SBK1: variants seen among roughly 807,000 people sequenced by gnomAD.
The protein encoded by SBK1 is serine/threonine-protein kinase SBK1.
In SBK1, 11 loss-of-function variants were observed where a neutral mutation model predicts 24.4. The observed-to-expected ratio is 0.45, with a 90% CI of 0.28 to 0.75. The LOEUF is 0.75. SBK1 is among the 30% of genes least tolerant of loss of function. The probability of loss-of-function intolerance (pLI) is 0.12; values close to 1 mark genes in which losing one functional copy is unlikely to be tolerated. For synonymous variants in SBK1, 308 were observed against 284.4 expected, an observed-to-expected ratio of 1.08 and a Z score of -0.83; for missense variants, 467 against 620.5, an observed-to-expected ratio of 0.75 and a Z score of 2.63.
rs1184425008 is a variant in SBK1 at position 28,322,931 on chromosome 16, C to CTCTCTCTCTCTCTCTCTCTCT, written c.*2010_*2011insTCTCTCTCTCTCTCTCTCTCT. On this transcript the variant is annotated 3_prime_UTR_variant, in exon 4 of 4. Transcript: ENST00000341901. Reference sequence around the variant, plus strand: ...CTCTCTCGCGCGCGCTCTCTCTCTCCCTCTCTCTCTCTCTCTCTCTCTCTC... The same window carrying CTCTCTCTCTCTCTCTCTCTCT: ...CTCTCTCGCGCGCGCTCTCTCTCTCCTCTCTCTCTCTCTCTCTCTCTCTCTCTCTCTCTCTCTCTCTCTCTC... 1 of 55,352 alleles carries CTCTCTCTCTCTCTCTCTCTCT rather than the reference C, an allele frequency of 1.8e-5. No individual in the cohort carries two copies. Among genetic ancestry groups the CTCTCTCTCTCTCTCTCTCTCT allele is most frequent in the Non-Finnish European group, 3.6e-5 (1 of 28,018 alleles). The allele number at this position is 55,352 out of a possible 1,614,324, so 3.4% of individuals were successfully genotyped here.
At chr16:28,294,297 A>G (rs1176868943) in intron 1 of SBK1, among the ~76,000 whole-genome samples, 1 of 152,150 alleles carries the variant, frequency 6.6e-6, no homozygotes, top group Non-Finnish European at 1.5e-5. Context: ...GACTGCATGG[A>G]AAGAACACAC....
At chr16:28,304,630 C>T (rs1398491059) in intron 1 of SBK1, among the ~76,000 whole-genome samples, 3 of 151,726 alleles carry the variant, frequency 2.0e-5, no homozygotes, top group East Asian at 1.9e-4. Flanking sequence ...TTTTTTGAGA[C>T]GGAGTCTTGC....
chr16:28,307,763 A>G (rs998371634), intron 1 of SBK1, among the ~76,000 whole-genome samples: 2 of 151,708 alleles, frequency 1.3e-5, no homozygotes, highest in Admixed American at 1.3e-4. Context: ...AAAAGAAGAA[A>G]GAAAGAAAAG....
At chr16:28,290,101 A>G (rs2044589433), upstream of SBK1, among the ~76,000 whole-genome samples, 7 of 150,964 alleles carry the variant, frequency 4.6e-5, no homozygotes, top group South Asian at 1.5e-3. Flanking sequence ...AAAAAAAAAA[A>G]GACAGAGGCA....
At position 28,319,342 on chromosome 16, in the gene SBK1, G is replaced by A; in HGVS notation, c.429+145G>A. 6 of 672,544 alleles carry A rather than the reference G, an allele frequency of 8.9e-6. No individual in the cohort carries two copies. In the South Asian group the frequency reaches 1.1e-4, roughly 12 times the overall value. The allele number at this position is 672,544 out of a possible 1,614,324, so 41.7% of individuals were successfully genotyped here. A position where few individuals can be genotyped will look rare whatever the true frequency, so the allele number is the denominator to read the frequency against. ...TTACCATTTGGGGAGGTGGGGATGT[G>A]CAGTAAGGAAGACAAAAGTCCCTGT... On this transcript the variant is annotated intron_variant, in intron 3 of 3. Transcript: ENST00000341901. This position sits in a 1 kb window ranked among gnomAD's most constrained non-coding sequence, Gnocchi z 4.0.
upstream of SBK1, chr16:28,291,860 T>G (rs1334399432): frequency 6.6e-6 from 1 of 152,198 alleles, no homozygotes; most frequent in African/African-American, 2.4e-5. Context: ...GCAGCAGGGA[T>G]CGCAAAGGCG....
intron 1 of SBK1, among the ~76,000 whole-genome samples, chr16:28,276,964 G>T (rs1342228561): frequency 1.3e-5 from 2 of 152,064 alleles, no homozygotes; most frequent in African/African-American, 4.8e-5. Flanking sequence ...GCTCCCGGGC[G>T]GTGGATTGAA....
intron 1 of SBK1, among the ~76,000 whole-genome samples, chr16:28,312,865 G>T (rs923950862): frequency 6.6e-5 from 10 of 152,118 alleles, no homozygotes; most frequent in Admixed American, 6.5e-5. Flanking sequence ...CGGATGCGGT[G>T]GCTCACGCCT....
Position 28,292,882 on chromosome 16 carries a change from C to T in SBK1, c.-426C>T. ...TATTTAGAAGACAGCAAGCCCCCTA[C>T]GGCACCGCAAGGACTCCCCCTCCTC... On this transcript the variant is annotated 5_prime_UTR_variant, in exon 1 of 4. The change creates a new upstream start codon in the 5' untranslated region. Transcript: ENST00000341901. The T allele has an allele frequency of 1.0e-6, 1 of 981,438 alleles. No individual in the cohort carries two copies. 60.8% of individuals were successfully genotyped at this position (981,438 alleles called of 1,614,324 possible).
intron 1 of SBK1, among the ~76,000 whole-genome samples, chr16:28,306,669 C>T (rs1267419944): frequency 6.6e-6 from 1 of 152,120 alleles, no homozygotes; most frequent in African/African-American, 2.4e-5. Flanking sequence ...GAGGTGGCAC[C>T]TGAATAGGCC....
chr16:28,306,815 G>T (rs2044719562), intron 1 of SBK1, among the ~76,000 whole-genome samples: 1 of 152,224 alleles, frequency 6.6e-6, no homozygotes, highest in Non-Finnish European at 1.5e-5. Context: ...ACGTGTTTGG[G>T]AAATTGTAAC....
intron 1 of SBK1, among the ~76,000 whole-genome samples, chr16:28,303,149 C>A (rs1343989871): frequency 7.4e-6 from 1 of 134,492 alleles, no homozygotes; most frequent in Non-Finnish European, 1.6e-5. Context: ...CAGAGGGAGG[C>A]AGAATATGGG....
intron 1 of SBK1, among the ~76,000 whole-genome samples, chr16:28,267,832 G>T (rs2044439245): frequency 6.6e-6 from 1 of 152,198 alleles, no homozygotes; most frequent in African/African-American, 2.4e-5. Flanking sequence ...GGAGGACTAG[G>T]GTAAGAAGGG....
Position 28,319,696 on chromosome 16 carries a change from G to T in SBK1, c.430-380G>T, listed in dbSNP as rs767872205. Among the ~76,000 whole-genome samples, 3 of 152,142 alleles carry T rather than the reference G, an allele frequency of 2.0e-5. No homozygotes were observed. The highest frequency in any genetic ancestry group is 4.4e-5 in the Non-Finnish European group (3 of 68,016). ...AGACACAGATGCACGGACACAGCAG[G>T]GAACAGGACGGGAAGCTCAGGGAGC... is the stretch of plus-strand genomic sequence containing the variant. On this transcript the variant is annotated intron_variant, in intron 3 of 3. Transcript: ENST00000341901. The surrounding 1 kb of genome is among the most constrained non-coding windows in gnomAD (Gnocchi z 4.0).
intron 1 of SBK1, among the ~76,000 whole-genome samples, chr16:28,306,881 A>C (rs2044720027): frequency 1.3e-5 from 2 of 152,244 alleles, no homozygotes; most frequent in African/African-American, 4.8e-5. Flanking sequence ...TATTTTCCCA[A>C]GGGCCTGTGC....
At chr16:28,277,573 C>T (rs1597012893) in intron 1 of SBK1, among the ~76,000 whole-genome samples, 1 of 152,154 alleles carries the variant, frequency 6.6e-6, no homozygotes, top group East Asian at 1.9e-4. Flanking sequence ...GCAAGAGGAT[C>T]GCATGAGCCC....
At chr16:28,272,602 TC>T (rs1018275260) in intron 1 of SBK1, among the ~76,000 whole-genome samples, 115 of 135,100 alleles carry the variant, frequency 8.5e-4, no homozygotes, top group African/African-American at 3.2e-3. Flanking sequence ...ATATTTTTTT[TC>T]TTTCTTTCTT....
At chr16:28,308,909 C>T (rs1355785499) in intron 1 of SBK1, among the ~76,000 whole-genome samples, 2 of 152,064 alleles carry the variant, frequency 1.3e-5, no homozygotes, top group Admixed American at 6.6e-5. Flanking sequence ...CTCGGCCTCC[C>T]AAAGTGGTGG....
rs146667224 is a variant in SBK1, at chr16:28,263,941, A to G, written c.257+4439A>G. Among the ~76,000 whole-genome samples, 855 of 152,216 alleles carry G rather than the reference A, an allele frequency of 5.6e-3. 4 individuals carry two copies. Among genetic ancestry groups the G allele is most frequent in the South Asian group, 0.027 (130 of 4,826 alleles). Reference sequence around the variant, plus strand: ...GGAGCTCCAGACCAGCCTGGGCAACATAATGAGATCCTATCCCTGCAAAAG... The same window carrying G: ...GGAGCTCCAGACCAGCCTGGGCAACGTAATGAGATCCTATCCCTGCAAAAG... On this transcript the variant is annotated intron_variant, in intron 1 of 3. Coordinates refer to the SBK1 transcript ENST00000671413.
Sources: allele counts gnomAD v4.1 joint callset (sites outside exome capture counted in the v4.1 genomes callset), GRCh38; gene constraint gnomAD v4.1.1; non-coding constraint Gnocchi (gnomAD v3.1); transcripts MANE v1.5; gene names NCBI Gene and HGNC (gene_info 2026-07-23, HGNC 2026-07-21).